Variants in TSNARE1 observed in about 807,000 individuals in gnomAD.
The protein encoded by TSNARE1 is t-SNARE domain containing 1, also known as t-SNARE domain-containing protein 1.
TSNARE1 carries 49 observed loss-of-function variants against 62.0 expected under a neutral mutation model. The ratio of observed to expected loss-of-function variants is 0.79; its 90% CI spans 0.63 to 1.00. TSNARE1 has a LOEUF of 1.00. TSNARE1 is among the 50% of genes least tolerant of loss of function. TSNARE1 has a pLI of 0.00. For missense variants in TSNARE1, 755 were observed against 700.1 expected (o/e 1.08, Z -0.88); for synonymous variants, 328 against 294.4 (o/e 1.11, Z -1.17).
intron 11 of TSNARE1, among the ~76,000 whole-genome samples, chr8:142,283,757 G>A (rs1427148884): frequency 7.2e-6 from 1 of 139,846 alleles, no homozygotes; most frequent in Admixed American, 7.0e-5. Flanking sequence ...TCAACGAGCA[G>A]AGGCAGGGAC....
At chr8:142,355,085 G>A (rs192203393) in intron 1 of TSNARE1, among the ~76,000 whole-genome samples, 17 of 152,128 alleles carry the variant, frequency 1.1e-4, no homozygotes, top group East Asian at 3.9e-4. Context: ...AACCCCCACC[G>A]CCAGCCTCCC....
At chr8:142,321,419 T>C (rs998375736) in intron 6 of TSNARE1, among the ~76,000 whole-genome samples, 1 of 151,976 alleles carries the variant, frequency 6.6e-6, no homozygotes. Context: ...GTCCAGAAAG[T>C]CCACCTAAAG....
rs991611789 is a variant in TSNARE1, at chr8:142,291,901, G to T, written c.1291-7416C>A. ...GTGTGGGGTGAGGAATGAGGGAGAG[G>T]ACAGTCCATTGGGAGTACGGGGTCA... On this transcript the variant is annotated intron_variant, in intron 10 of 13. Coordinates refer to ENST00000524325, the MANE Select transcript of TSNARE1 (RefSeq NM_145003.5). This position sits in a 1 kb window ranked among gnomAD's most constrained non-coding sequence, Gnocchi z 4.8. Among the ~76,000 whole-genome samples the T allele has an allele frequency of 1.3e-5, 2 of 152,026 alleles. No individual in the cohort carries two copies. The highest frequency in any genetic ancestry group is 2.4e-5 in the African/African-American group (1 of 41,378).
rs1586799973 is a variant in TSNARE1, at chr8:142,323,004, G to A, written c.894-4370C>T. 3.3e-5 allele frequency among the ~76,000 whole-genome samples: 5 copies of A among 151,892 alleles called. No homozygotes were observed. In the South Asian group the frequency reaches 1.0e-3, roughly 32 times the overall value. ...AAAGGCCGGTCTGGCCGTGTCTGTG[G>A]GCTGGATGATATTGTTATGAAAGGC... On this transcript the variant is annotated intron_variant, in intron 6 of 13. Transcript: ENST00000524325.
At chr8:142,237,394 C>T (rs1817486877) in intron 12 of TSNARE1, among the ~76,000 whole-genome samples, 1 of 152,182 alleles carries the variant, frequency 6.6e-6, no homozygotes. Flanking sequence ...GTTTTGTGGA[C>T]CTCCCTGCTG....
At chr8:142,373,385 C>T (rs1386757772) in intron 1 of TSNARE1, among the ~76,000 whole-genome samples, 1 of 152,110 alleles carries the variant, frequency 6.6e-6, no homozygotes, top group Non-Finnish European at 1.5e-5. Context: ...AGAGAGGAGG[C>T]TGGGAAAACA....
In TSNARE1 at chr8:142,354,003, A is replaced by G. The variant is rs375688136; in HGVS notation, c.88+634T>C. ...CTGCCCTGACCCAGACATCACCTAC[A>G]TGACCCAGGCCTGCCCACGTGAAGG... On this transcript the variant is annotated intron_variant, in intron 2 of 13. Transcript: ENST00000524325. 4.8e-3 allele frequency among the ~76,000 whole-genome samples: 734 copies of G among 152,112 alleles called. 7 individuals carry two copies. Among genetic ancestry groups the G allele is most frequent in the African/African-American group, 0.017 (698 of 41,514 alleles).
At chr8:142,355,001 G>A (rs1027704634) in intron 1 of TSNARE1, among the ~76,000 whole-genome samples, 1 of 151,782 alleles carries the variant, frequency 6.6e-6, no homozygotes, top group Non-Finnish European at 1.5e-5. Flanking sequence ...AACACAGCCT[G>A]AGGAAGGTGT....
intron 1 of TSNARE1, among the ~76,000 whole-genome samples, chr8:142,363,498 G>A (rs565972266): frequency 3.1e-4 from 47 of 152,214 alleles, no homozygotes; most frequent in African/African-American, 9.9e-4. Context: ...TAGGCCACCC[G>A]GGGCTTCTCA....
intron 4 of TSNARE1, among the ~76,000 whole-genome samples, chr8:142,337,980 C>T (rs1832005948): frequency 6.6e-6 from 1 of 152,220 alleles, no homozygotes; most frequent in Admixed American, 6.5e-5. Flanking sequence ...CCCCCTCATT[C>T]CCAGTCCTGT....
At chr8:142,239,659 C>G (rs1817593640) in intron 12 of TSNARE1, among the ~76,000 whole-genome samples, 1 of 152,222 alleles carries the variant, frequency 6.6e-6, no homozygotes, top group Non-Finnish European at 1.5e-5. Flanking sequence ...CTGGACTTAA[C>G]AGGAAGCGTT....
chr8:142,236,340 G>A (rs1261490689), intron 12 of TSNARE1, among the ~76,000 whole-genome samples: 1 of 151,922 alleles, frequency 6.6e-6, no homozygotes, highest in Admixed American at 6.6e-5. Flanking sequence ...AGCCTGGCAG[G>A]GGCAGGTGGG....
chr8:142,357,662 A>C (rs1834851856), intron 1 of TSNARE1, among the ~76,000 whole-genome samples: 1 of 152,160 alleles, frequency 6.6e-6, no homozygotes, highest in South Asian at 2.1e-4. Flanking sequence ...CTCGTGCCAG[A>C]AAGTGAGGGG....
intron 4 of TSNARE1, among the ~76,000 whole-genome samples, chr8:142,332,684 G>A (rs556133564): frequency 6.6e-6 from 1 of 152,292 alleles, no homozygotes; most frequent in South Asian, 2.1e-4. Flanking sequence ...ACCATGGGAA[G>A]GGTCTGCAGG....
At chr8:142,315,979 G>A (rs549918049) in intron 7 of TSNARE1, among the ~76,000 whole-genome samples, 83 of 152,324 alleles carry the variant, frequency 5.4e-4, no homozygotes, top group Non-Finnish European at 9.8e-4. Context: ...GGAGCCATTC[G>A]CTTCACGAGG....
At chr8:142,296,711 G>A (rs1027231819) in intron 10 of TSNARE1, among the ~76,000 whole-genome samples, 9 of 151,968 alleles carry the variant, frequency 5.9e-5, no homozygotes, top group African/African-American at 1.5e-4. Flanking sequence ...AGGAGGGCAC[G>A]CCGTGGAAGC....
rs372478431 is a variant in TSNARE1, at chr8:142,308,804, A to G, written c.1131+5580T>C. 1.2e-4 allele frequency among the ~76,000 whole-genome samples: 19 copies of G among 152,302 alleles called. No homozygotes were observed. In the East Asian group the frequency reaches 1.9e-3, roughly 15 times the overall value. On this transcript the variant is annotated intron_variant, in intron 9 of 13. Coordinates refer to ENST00000524325, the MANE Select transcript of TSNARE1 (RefSeq NM_145003.5). ...ACAGTTCACACACACACACACTGAA[A>G]ACCTGCTGGAACCTTATTGGGATTG...
chr8:142,393,802 C>T (rs1837711881), intron 1 of TSNARE1, among the ~76,000 whole-genome samples: 1 of 152,194 alleles, frequency 6.6e-6, no homozygotes, highest in Admixed American at 6.5e-5. Flanking sequence ...GTTCACAGCA[C>T]AAGCTGCCTG....
intron 9 of TSNARE1, among the ~76,000 whole-genome samples, chr8:142,306,611 T>C (rs1826717670): frequency 2.0e-5 from 3 of 152,196 alleles, no homozygotes; most frequent in Admixed American, 2.0e-4. Context: ...AGGCAGCAAG[T>C]GCCCCTCGCA....
Sources: allele counts gnomAD v4.1 joint callset (sites outside exome capture counted in the v4.1 genomes callset), GRCh38; gene constraint gnomAD v4.1.1; non-coding constraint Gnocchi (gnomAD v3.1); transcripts MANE v1.5; gene names NCBI Gene and HGNC (gene_info 2026-07-23, HGNC 2026-07-21).